The following AS3MT variants were observed in gnomAD, a reference collection of about 807,000 sequenced individuals.
AS3MT encodes arsenite methyltransferase.
A neutral mutation model predicts 45.3 loss-of-function variants in AS3MT; 47 were observed. The ratio of observed to expected loss-of-function variants is 1.04; its 90% CI spans 0.82 to 1.32. The LOEUF is 1.32. AS3MT is among the 40% of genes most tolerant of loss of function. AS3MT has a pLI of 0.00. For synonymous variants in AS3MT, 141 were observed against 152.8 expected, an observed-to-expected ratio of 0.92 and a Z score of 0.57; for missense variants, 396 against 451.1, an observed-to-expected ratio of 0.88 and a Z score of 1.11.
At chr10:102,896,157 C>G (rs1013749277) in intron 10 of AS3MT, among the ~76,000 whole-genome samples, 15 of 151,674 alleles carry the variant, frequency 9.9e-5, no homozygotes, top group Non-Finnish European at 1.6e-4. Flanking sequence ...CATGCTGAAA[C>G]CGTGTCTGTA....
rs1590225303 is a variant in AS3MT, at chr10:102,885,776, G to A, written c.886-4768G>A. 2.2e-5 allele frequency among the ~76,000 whole-genome samples: 2 copies of A among 90,180 alleles called. 1 individual carries two copies. The highest frequency in any genetic ancestry group is 8.0e-4 in the South Asian group (2 of 2,508). 59.2% of individuals were successfully genotyped at this position (90,180 alleles called of 152,430 possible). On this transcript the variant is annotated intron_variant, in intron 9 of 10. Coordinates refer to ENST00000369880, the MANE Select transcript of AS3MT (RefSeq NM_020682.4). ...GATCTCCTGACCTCGTGATCCGCCC[G>A]CCTCGGCCTCCCAAAGTGCTGGGAT...
At position 102,890,548 on chromosome 10, in the gene AS3MT, G is replaced by A. The variant is rs200456819; in HGVS notation, c.890G>A (p.Gly297Asp). The A allele has an allele frequency of 1.7e-3, 2,676 of 1,593,238 alleles. 3 individuals carry two copies. The highest frequency in any genetic ancestry group is 2.1e-3 in the Non-Finnish European group (2,467 of 1,173,518). ...MFDANFTFKE[G>D]EIVEVDEETA... ...TTTTTTTATACTACCCTTTAGGAAGGTGAAATTGTTGAAGTGGATGAAGAA... is the reference window on the plus strand; with the variant it reads ...TTTTTTTATACTACCCTTTAGGAAGATGAAATTGTTGAAGTGGATGAAGAA... Residue 297 changes from glycine (G) to aspartate (D), a missense_variant, in exon 10 of 11, where the codon GGT becomes GAT. By Grantham distance (94) the Gly-to-Asp change is moderately conservative. Transcript: ENST00000369880.
intron 6 of AS3MT, among the ~76,000 whole-genome samples, chr10:102,875,792 T>A (rs1472140057): frequency 2.0e-5 from 3 of 152,036 alleles, no homozygotes. Flanking sequence ...CCAGCTAATT[T>A]TTGTACTTTT....
In AS3MT at chr10:102,869,796, T is replaced by TC; in HGVS notation, c.2-6dup. On this transcript the variant is annotated splice_polypyrimidine_tract_variant and intron_variant, in intron 1 of 10. Transcript: ENST00000369880. ...CTCTCCTTTCAACTAACTTTCCCGC[T>TC]CCCGACAGTGGCTGCACTTCGTGAC... 1 of 1,613,994 alleles carries TC rather than the reference T, an allele frequency of 6.2e-7. No homozygotes were observed. The highest frequency in any genetic ancestry group is 8.5e-7 in the Non-Finnish European group (1 of 1,180,012).
At chr10:102,884,134 A>G (rs1357435645) in intron 9 of AS3MT, among the ~76,000 whole-genome samples, 2 of 151,664 alleles carry the variant, frequency 1.3e-5, no homozygotes, top group East Asian at 3.9e-4. Context: ...GTGTGCTACC[A>G]CACCCAGCTA....
At chr10:102,872,417 A>C (rs1003612304) in intron 3 of AS3MT, 31 bp from the exon 4 acceptor site, 1 of 1,611,820 alleles carries the variant, frequency 6.2e-7, no homozygotes, top group Non-Finnish European at 8.5e-7. Context: ...TACAGTCTCC[A>C]GGGAAAAAAT....
At position 102,877,052 on chromosome 10, in the gene AS3MT, A is replaced by C; in HGVS notation, c.610+17A>C. 1 of 1,610,426 alleles carries C rather than the reference A, an allele frequency of 6.2e-7. No homozygotes were observed. The highest frequency in any genetic ancestry group is 8.5e-7 in the Non-Finnish European group (1 of 1,176,664). The stretch of plus-strand genomic sequence containing the variant: ...TTTTATGGGGTAGGTGATTTTGTTT[A>C]GTTTAGTATTAAGGCAGATGGTTGT... On this transcript the variant is annotated intron_variant, in intron 7 of 10. Coordinates refer to ENST00000369880, the MANE Select transcript of AS3MT (RefSeq NM_020682.4).
intron 3 of AS3MT, among the ~76,000 whole-genome samples, chr10:102,870,764 C>T (rs996111404): frequency 2.0e-5 from 3 of 152,148 alleles, no homozygotes; most frequent in Non-Finnish European, 4.4e-5. Context: ...TTTGGAAGGT[C>T]TTCCCTTTTC....
intron 3 of AS3MT, among the ~76,000 whole-genome samples, chr10:102,871,412 C>T (rs1021358104): frequency 7.3e-5 from 11 of 151,234 alleles, no homozygotes; most frequent in African/African-American, 2.4e-4. Flanking sequence ...CCGGGTGTGG[C>T]GGCACGCGCC....
chr10:102,883,765 C>T (rs1844903869), intron 9 of AS3MT, among the ~76,000 whole-genome samples: 1 of 151,522 alleles, frequency 6.6e-6, no homozygotes, highest in Non-Finnish European at 1.5e-5. Flanking sequence ...CCCTAATTTT[C>T]CCCCCATTAT....
In AS3MT at chr10:102,870,141, ACCACAGCCAGG is replaced by A; in HGVS notation, c.103_113del (p.Thr35GlyfsTer29). On this transcript the variant is annotated frameshift_variant, in exon 3 of 11. Coordinates refer to ENST00000369880, the MANE Select transcript of AS3MT (RefSeq NM_020682.4). LOFTEE classifies it high-confidence loss of function. The stretch of plus-strand genomic sequence containing the variant: ...AGACCTCCAGACCAACGGCTGTGTC[ACCACAGCCAGG>A]CCGGTCCCCAAGCACATCCGGGAAG... 1 of 1,614,082 alleles carries A rather than the reference ACCACAGCCAGG, an allele frequency of 6.2e-7. No individual in the cohort carries two copies. Among genetic ancestry groups the A allele is most frequent in the Non-Finnish European group, 8.5e-7 (1 of 1,179,948 alleles).
chr10:102,896,875 G>C (rs1454850237), intron 10 of AS3MT, among the ~76,000 whole-genome samples: 1 of 151,754 alleles, frequency 6.6e-6, no homozygotes, highest in Non-Finnish European at 1.5e-5. Flanking sequence ...CTGCTATTCT[G>C]ACTCTTCTGT....
intron 10 of AS3MT, among the ~76,000 whole-genome samples, chr10:102,892,743 A>G (rs1478015491): frequency 6.6e-6 from 1 of 152,076 alleles, no homozygotes; most frequent in Non-Finnish European, 1.5e-5. Context: ...TGGGAGGCCA[A>G]GGTGGGCAGA....
At chr10:102,878,592 G>A in intron 8 of AS3MT, 82 bp downstream of exon 8, 1 of 1,542,486 alleles carries the variant, frequency 6.5e-7, no homozygotes, top group East Asian at 2.3e-5. Flanking sequence ...AACTTCTGAA[G>A]GAGTCTCATT....
rs972701854 is a variant in AS3MT at position 102,881,516 on chromosome 10, C to T, written c.885+2525C>T. On this transcript the variant is annotated intron_variant, in intron 9 of 10. Transcript: ENST00000369880. The surrounding 1 kb of genome is among the most constrained non-coding windows in gnomAD (Gnocchi z 4.2). ...TGTTTTCTGGCTCTATTATTTATTA[C>T]TTGGGTAAACTTGAACAAGTCACCA... Among the ~76,000 whole-genome samples, 5 of 152,140 alleles carry T rather than the reference C, an allele frequency of 3.3e-5. No homozygotes were observed. The highest frequency in any genetic ancestry group is 1.2e-4 in the African/African-American group (5 of 41,430).
rs757895180 is a variant in AS3MT at position 102,890,591 on chromosome 10, G to T, written c.933G>T (p.Lys311Asn). The change falls in exon 10 of 11, where the codon AAG becomes AAT. Residue 311 changes from lysine (K) to asparagine (N), a missense_variant. Physicochemically the swap from Lys to Asn is moderately conservative, Grantham distance 94 (BLOSUM62 0). Coordinates refer to ENST00000369880, the MANE Select transcript of AS3MT (RefSeq NM_020682.4). ...EVDEETAAIL[K>N]NSRFAQDFLI... ...ATGAAGAAACAGCAGCTATCTTGAA[G>T]AATTCAAGATTTGCTCAAGATTTTC... 3.1e-6 allele frequency: 5 copies of T among 1,610,998 alleles called. No homozygotes were observed. In the South Asian group the frequency reaches 5.5e-5, roughly 18 times the overall value.
intron 9 of AS3MT, among the ~76,000 whole-genome samples, chr10:102,887,104 A>G (rs2134123635): frequency 6.6e-6 from 1 of 152,230 alleles, no homozygotes. Context: ...ATTCAGGAGC[A>G]TGTTGTTTAA....
intron 9 of AS3MT, among the ~76,000 whole-genome samples, chr10:102,889,681 C>T (rs1480168603): frequency 1.4e-5 from 2 of 141,626 alleles, no homozygotes; most frequent in East Asian, 2.5e-4. Flanking sequence ...CCCTCCACCC[C>T]CCCCGCCCCT....
chr10:102,890,735 G>A lies in AS3MT; in HGVS notation c.1020+57G>A, dbSNP rs1317890794. Reference sequence around the variant, plus strand: ...ATTTTATTTATTTATTTTTGAGATGGAGTCTCTCTCTGTCACCCAGACTGG... The same window carrying A: ...ATTTTATTTATTTATTTTTGAGATGAAGTCTCTCTCTGTCACCCAGACTGG... On this transcript the variant is annotated intron_variant, in intron 10 of 10. Transcript: ENST00000369880. The A allele has an allele frequency of 1.4e-5, 21 of 1,534,578 alleles. No individual in the cohort carries two copies. The Admixed American group carries it at 4.0e-4, about 29-fold the overall frequency.
Sources: gnomAD v4.1 joint callset for allele counts (sites outside exome capture counted in the v4.1 genomes callset) on GRCh38, gnomAD v4.1.1 for gene constraint, Gnocchi (gnomAD v3.1) non-coding constraint, MANE v1.5 for transcripts, NCBI Gene and HGNC (gene_info 2026-07-23, HGNC 2026-07-21) for gene names.